TAF5L: variants seen among roughly 807,000 people sequenced by gnomAD.
The protein encoded by TAF5L is TATA-box binding protein associated factor 5 like, also known as TAF5-like RNA polymerase II p300/CBP-associated factor-associated factor 65 kDa subunit 5L.
In TAF5L, 7 loss-of-function variants were observed where a neutral mutation model predicts 51.3. The ratio of observed to expected loss-of-function variants is 0.14; its 90% CI spans 0.08 to 0.26. TAF5L has a LOEUF of 0.26. TAF5L is among the 10% of genes least tolerant of loss of function. The pLI is 1.00. For synonymous variants in TAF5L, 291 were observed against 308.1 expected, an observed-to-expected ratio of 0.94 and a Z score of 0.58; for missense variants, 575 against 758.9, an observed-to-expected ratio of 0.76 and a Z score of 2.85.
intron 1 of TAF5L, among the ~76,000 whole-genome samples, chr1:229,617,332 T>C (rs936454671): frequency 2.6e-5 from 4 of 152,256 alleles, no homozygotes; most frequent in Non-Finnish European, 5.9e-5. Flanking sequence ...CTTTCCCGTG[T>C]GGCCCAAAGT....
intron 4 of TAF5L, among the ~76,000 whole-genome samples, chr1:229,595,769 G>A (rs1057102741): frequency 4.6e-5 from 7 of 152,130 alleles, no homozygotes; most frequent in African/African-American, 9.7e-5. Context: ...GGGGTCAAGC[G>A]ATTCTCCTGC....
chr1:229,605,575 TTCAG>T (rs1193022531), intron 3 of TAF5L, among the ~76,000 whole-genome samples: 1 of 151,860 alleles, frequency 6.6e-6, no homozygotes, highest in Non-Finnish European at 1.5e-5. Flanking sequence ...CACACAGATA[TTCAG>T]TCAAACATTA....
chr1:229,615,016 T>C (rs186949783), intron 1 of TAF5L, among the ~76,000 whole-genome samples: 6 of 152,356 alleles, frequency 3.9e-5, no homozygotes, highest in African/African-American at 1.2e-4. Context: ...TTTTGCTTAA[T>C]AGCCAGGAAA....
chr1:229,599,829 C>T, intron 4 of TAF5L: 2 of 985,392 alleles, frequency 2.0e-6, no homozygotes. Context: ...AACACCGTTT[C>T]AAATACTGTA....
chr1:229,618,774 A>G (rs1250921147), intron 1 of TAF5L, among the ~76,000 whole-genome samples: 1 of 151,932 alleles, frequency 6.6e-6, no homozygotes, highest in African/African-American at 2.4e-5. Flanking sequence ...GTTAGGCTCT[A>G]ATGTACACGG....
At position 229,625,707 on chromosome 1, in the gene TAF5L, C is replaced by CCCGCGCAGAGCCGCCCGCCG. The variant is rs1189425042; in HGVS notation, c.-4+158_-4+177dup. ...CGAGGGCGGAGGCGCGGCCGTCGCG[C>CCCGCGCAGAGCCGCCCGCCG]CCGCGCAGAGCCGCCCGCCGCCCCC... On this transcript the variant is annotated intron_variant, in intron 1 of 4. Transcript: ENST00000258281. The surrounding 1 kb of genome is among the most constrained non-coding windows in gnomAD (Gnocchi z 4.0). Among the ~76,000 whole-genome samples the CCCGCGCAGAGCCGCCCGCCG allele has an allele frequency of 6.8e-6, 1 of 146,952 alleles. No individual in the cohort carries two copies. Among genetic ancestry groups the CCCGCGCAGAGCCGCCCGCCG allele is most frequent in the Non-Finnish European group, 1.5e-5 (1 of 66,110 alleles).
rs1369037134 is a variant in TAF5L, at chr1:229,594,071, A to G, written c.*226T>C. On this transcript the variant is annotated 3_prime_UTR_variant, in exon 5 of 5. Coordinates refer to ENST00000258281, the Ensembl canonical transcript of TAF5L. The surrounding 1 kb of genome is among the most constrained non-coding windows in gnomAD (Gnocchi z 7.9). Reference sequence around the variant, plus strand: ...AGGACTTGTGAGTGACCTCCAGGGCACTCTAATTCTTGATCACTCATCATT... The same window carrying G: ...AGGACTTGTGAGTGACCTCCAGGGCGCTCTAATTCTTGATCACTCATCATT... 1.9e-6 allele frequency: 1 copy of G among 526,482 alleles called. No homozygotes were observed. Among genetic ancestry groups the G allele is most frequent in the African/African-American group, 1.9e-5 (1 of 52,054 alleles). 32.6% of individuals were successfully genotyped at this position (526,482 alleles called of 1,614,324 possible). A position where few individuals can be genotyped will look rare whatever the true frequency, so the allele number is the denominator to read the frequency against.
In TAF5L at chr1:229,594,156, G is replaced by T; in HGVS notation, c.*141C>A. On this transcript the variant is annotated 3_prime_UTR_variant, in exon 5 of 5. Coordinates refer to ENST00000258281, the Ensembl canonical transcript of TAF5L. The surrounding 1 kb of genome is among the most constrained non-coding windows in gnomAD (Gnocchi z 7.9). Reference sequence around the variant, plus strand: ...TCGACACTGGGGGGCTGAGTGAAGGGGGACCTGCCCGGAATGAGGGCCCAG... The same window carrying T: ...TCGACACTGGGGGGCTGAGTGAAGGTGGACCTGCCCGGAATGAGGGCCCAG... 1 of 991,924 alleles carries T rather than the reference G, an allele frequency of 1.0e-6. No individual in the cohort carries two copies. 61.4% of individuals were successfully genotyped at this position (991,924 alleles called of 1,614,324 possible). A position where few individuals can be genotyped will look rare whatever the true frequency, so the allele number is the denominator to read the frequency against.
chr1:229,606,196 G>A, intron 3 of TAF5L: 1 of 985,188 alleles, frequency 1.0e-6, no homozygotes, highest in African/African-American at 1.7e-5. Context: ...ACAGTATGCT[G>A]GGTATAAAAC....
Position 229,608,390 on chromosome 1 carries a change from T to G in TAF5L, c.247+1716A>C, listed in dbSNP as rs181884274. On this transcript the variant is annotated intron_variant, in intron 3 of 4. Coordinates refer to ENST00000258281, the Ensembl canonical transcript of TAF5L. ...AAAATTAAGGCTTTAGTAAAATGACTCTATTATGTTTGAAAAAAAGGAAGT... is the reference window on the plus strand; with the variant it reads ...AAAATTAAGGCTTTAGTAAAATGACGCTATTATGTTTGAAAAAAAGGAAGT... 8.5e-5 allele frequency among the ~76,000 whole-genome samples: 13 copies of G among 152,240 alleles called. No homozygotes were observed. In the East Asian group the frequency reaches 2.1e-3, roughly 25 times the overall value.
chr1:229,607,020 G>C, intron 3 of TAF5L: 1 of 985,310 alleles, frequency 1.0e-6, no homozygotes, highest in African/African-American at 1.7e-5. Context: ...TTTATTACAA[G>C]TCTTTATCTT....
At chr1:229,624,741 T>C (rs1022813923) in intron 1 of TAF5L, among the ~76,000 whole-genome samples, 2 of 152,202 alleles carry the variant, frequency 1.3e-5, no homozygotes. Context: ...ATCCACTACA[T>C]TATGCTGTTC....
chr1:229,601,596 C>T (rs1664375657), intron 4 of TAF5L: 2 of 985,818 alleles, frequency 2.0e-6, no homozygotes, highest in Non-Finnish European at 2.4e-6. Context: ...GGGGAGCTGG[C>T]AACTCTACTT....
intron 4 of TAF5L, among the ~76,000 whole-genome samples, chr1:229,596,868 G>T (rs1176849896): frequency 6.6e-6 from 1 of 152,100 alleles, no homozygotes; most frequent in Non-Finnish European, 1.5e-5. Flanking sequence ...TAAGAAAAGG[G>T]CACCTTTTTT....
intron 2 of TAF5L, 27 bp downstream of exon 2, chr1:229,614,314 C>T (rs919290632): frequency 6.2e-6 from 10 of 1,614,070 alleles, no homozygotes; most frequent in Non-Finnish European, 8.5e-6. Context: ...TCCAGGCTCA[C>T]CCCACCAGAC....
intron 1 of TAF5L, among the ~76,000 whole-genome samples, chr1:229,622,753 GCCCA>G (rs111245606): frequency 0.013 from 1,946 of 152,140 alleles, 41 homozygotes; most frequent in African/African-American, 0.045. Flanking sequence ...CTACAGGCAT[GCCCA>G]CCATCACACC....
chr1:229,624,065 T>TAGA (rs1665325577), intron 1 of TAF5L, among the ~76,000 whole-genome samples: 1 of 152,188 alleles, frequency 6.6e-6, no homozygotes, highest in Non-Finnish European at 1.5e-5. Context: ...AGATGACCCC[T>TAGA]AGAGCTCCCT....
In TAF5L at chr1:229,600,839, CTTCT is replaced by C. The variant is rs1336358241; in HGVS notation, c.972+1352_972+1355del. On this transcript the variant is annotated intron_variant, in intron 4 of 4. Coordinates refer to ENST00000258281, the Ensembl canonical transcript of TAF5L. The stretch of plus-strand genomic sequence containing the variant: ...CTGTTATCAGATGTCATAATGCTAT[CTTCT>C]TTAATATTAATTTTTAATGCACAGA... The C allele has an allele frequency of 7.1e-6, 7 of 984,994 alleles. No homozygotes were observed. The South Asian group carries it at 1.4e-4, about 20-fold the overall frequency. The allele number at this position is 984,994 out of a possible 1,614,324, so 61.0% of individuals were successfully genotyped here.
At chr1:229,606,110 A>C (rs555021477) in intron 3 of TAF5L, 1 of 984,328 alleles carries the variant, frequency 1.0e-6, no homozygotes, top group South Asian at 4.7e-5. Context: ...GTACTACTTT[A>C]AAACTTACTG....
Sources: gnomAD v4.1 joint callset for allele counts (sites outside exome capture counted in the v4.1 genomes callset) on GRCh38, gnomAD v4.1.1 for gene constraint, Gnocchi (gnomAD v3.1) non-coding constraint, MANE v1.5 for transcripts, NCBI Gene and HGNC (gene_info 2026-07-23, HGNC 2026-07-21) for gene names.